Variants in OSBPL9 observed in about 807,000 individuals in gnomAD.
OSBPL9 encodes oxysterol-binding protein-related protein 9.
In OSBPL9, 40 loss-of-function variants were observed where a neutral mutation model predicts 106.6. The observed-to-expected ratio is 0.38, with a 90% CI of 0.29 to 0.49. OSBPL9 has a LOEUF of 0.49. Among genes scored for constraint, OSBPL9 ranks in the 20% least tolerant of loss-of-function variants. The pLI is 0.97. For missense variants in OSBPL9, 609 were observed against 887.2 expected (o/e 0.69, Z 3.98); for synonymous variants, 269 against 295.4 (o/e 0.91, Z 0.92).
intron 1 of OSBPL9, among the ~76,000 whole-genome samples, chr1:51,582,502 G>A (rs1422832747): frequency 3.3e-5 from 5 of 152,012 alleles, no homozygotes; most frequent in African/African-American, 1.2e-4. Context: ...TAATTTTTTT[G>A]TATTTTTAGT....
chr1:51,770,936 G>C (rs982752939), intron 12 of OSBPL9, among the ~76,000 whole-genome samples: 6 of 152,134 alleles, frequency 3.9e-5, no homozygotes, highest in Admixed American at 3.9e-4. Context: ...AACTCCAAGA[G>C]TGAACCCTAA....
At chr1:51,682,931 C>T (rs1027819047) in intron 3 of OSBPL9, among the ~76,000 whole-genome samples, 3 of 150,190 alleles carry the variant, frequency 2.0e-5, no homozygotes, top group African/African-American at 7.4e-5. Context: ...TGCTAGAGTG[C>T]AATGGCATGA....
chr1:51,728,349 T>C lies in OSBPL9; in HGVS notation c.318+14270T>C, dbSNP rs1663506536. On this transcript the variant is annotated intron_variant, in intron 4 of 23. Coordinates refer to ENST00000428468, the MANE Select transcript of OSBPL9 (RefSeq NM_024586.6). ...AGATTCAAGAAGACTTTAGTAAGAT[T>C]ATTCCAACAGGCCAGGACCTGTTAT... Among the ~76,000 whole-genome samples the C allele has an allele frequency of 2.6e-5, 4 of 152,148 alleles. No homozygotes were observed. In the South Asian group the frequency reaches 8.3e-4, roughly 32 times the overall value.
intron 3 of OSBPL9, among the ~76,000 whole-genome samples, chr1:51,678,319 G>A (rs948250459): frequency 2.0e-5 from 3 of 152,202 alleles, no homozygotes; most frequent in Admixed American, 1.3e-4. Flanking sequence ...CTTAGTAGAA[G>A]TTATCTATGG....
intron 1 of OSBPL9, among the ~76,000 whole-genome samples, chr1:51,633,967 T>C (rs1645268191): frequency 6.6e-6 from 1 of 152,182 alleles, no homozygotes; most frequent in Non-Finnish European, 1.5e-5. Flanking sequence ...ACATTTTTCC[T>C]GAGCCCCAAC....
chr1:51,786,908 T>C (rs1011216138), intron 22 of OSBPL9, among the ~76,000 whole-genome samples: 30 of 152,174 alleles, frequency 2.0e-4, no homozygotes, highest in African/African-American at 7.0e-4. Context: ...ACCCTTATTC[T>C]CTCCATTCAT....
the OSBPL9 span, among the ~76,000 whole-genome samples, chr1:51,523,612 C>A: frequency 6.6e-6 from 1 of 152,024 alleles, no homozygotes; most frequent in Non-Finnish European, 1.5e-5. Context: ...AGACATTAAT[C>A]ACCACCCAGG....
intron 2 of OSBPL9, among the ~76,000 whole-genome samples, chr1:51,665,243 C>G (rs1648161593): frequency 6.6e-6 from 1 of 152,200 alleles, no homozygotes; most frequent in Admixed American, 6.5e-5. Context: ...CTCCCGGCTT[C>G]AAGTGATTCT....
chr1:51,741,874 G>A (rs1666997759), intron 4 of OSBPL9, among the ~76,000 whole-genome samples: 1 of 152,128 alleles, frequency 6.6e-6, no homozygotes, highest in African/African-American at 2.4e-5. Context: ...TCACATCAGT[G>A]TAATAAACCA....
rs180838264 is a variant in OSBPL9, at chr1:51,584,477, G to A, written c.-423+7221G>A. 2.1e-3 allele frequency among the ~76,000 whole-genome samples: 215 copies of A among 100,918 alleles called. 1 individual carries two copies. The highest frequency in any genetic ancestry group is 0.014 in the African/African-American group (209 of 14,572). The allele number at this position is 100,918 out of a possible 152,430, so 66.2% of individuals were successfully genotyped here. A position where few individuals can be genotyped will look rare whatever the true frequency, so the allele number is the denominator to read the frequency against. On this transcript the variant is annotated intron_variant, in intron 1 of 25. Coordinates refer to the OSBPL9 transcript ENST00000371714. ...TAATCCCAACACTTTGGGAGGCCAAGCTGAGGCAGGTGGATCGCCTGAGGT... is the reference window on the plus strand; with the variant it reads ...TAATCCCAACACTTTGGGAGGCCAAACTGAGGCAGGTGGATCGCCTGAGGT...
chr1:51,582,440 G>A (rs1039974085), intron 1 of OSBPL9, among the ~76,000 whole-genome samples: 3 of 152,124 alleles, frequency 2.0e-5, no homozygotes, highest in Admixed American at 6.6e-5. Flanking sequence ...CAATTCTCCT[G>A]CCTCAGCCTC....
At chr1:51,771,950 A>C (rs574084488) in intron 12 of OSBPL9, 120 bp from the exon 13 acceptor site, 39 of 673,554 alleles carry the variant, frequency 5.8e-5, no homozygotes, top group Non-Finnish European at 9.5e-5. Context: ...AGACCTTGTC[A>C]TCAAGAGAAT....
intron 14 of OSBPL9, among the ~76,000 whole-genome samples, chr1:51,776,380 A>G (rs181867334): frequency 6.6e-6 from 1 of 152,336 alleles, no homozygotes; most frequent in African/African-American, 2.4e-5. Flanking sequence ...TGGGACAATT[A>G]ATAGTGGGAC....
intron 3 of OSBPL9, among the ~76,000 whole-genome samples, chr1:51,706,513 T>G (rs1228308713): frequency 6.6e-6 from 1 of 152,082 alleles, no homozygotes; most frequent in Non-Finnish European, 1.5e-5. Context: ...GTTGATCAAT[T>G]TCATTAGTTA....
intron 4 of OSBPL9, among the ~76,000 whole-genome samples, chr1:51,718,885 G>A (rs1661547832): frequency 6.6e-6 from 1 of 152,104 alleles, no homozygotes; most frequent in African/African-American, 2.4e-5. Context: ...ACATATTCTT[G>A]CTCTTTCCCA....
chr1:51,526,627 C>T, the OSBPL9 span, among the ~76,000 whole-genome samples: 728 of 151,996 alleles, frequency 4.8e-3, 5 homozygotes, highest in Middle Eastern at 0.01. Context: ...AAGAGATTCA[C>T]AATCAACACT....
At chr1:51,648,888 A>G (rs1410963403) in intron 1 of OSBPL9, among the ~76,000 whole-genome samples, 1 of 152,156 alleles carries the variant, frequency 6.6e-6, no homozygotes, top group Non-Finnish European at 1.5e-5. Flanking sequence ...TGCTATTGTT[A>G]TTATTAATGT....
the OSBPL9 span, among the ~76,000 whole-genome samples, chr1:51,537,849 C>A: frequency 2.0e-5 from 3 of 152,072 alleles, no homozygotes; most frequent in Non-Finnish European, 4.4e-5. Flanking sequence ...CTCTGGTCAA[C>A]CATTTTAAAT....
At chr1:51,619,873 A>G (rs1363851486) in intron 1 of OSBPL9, among the ~76,000 whole-genome samples, 1 of 152,210 alleles carries the variant, frequency 6.6e-6, no homozygotes, top group Non-Finnish European at 1.5e-5. Flanking sequence ...GAATATCTGA[A>G]TTAGTTGTGT....
Sources: allele counts gnomAD v4.1 joint callset (sites outside exome capture counted in the v4.1 genomes callset), GRCh38; gene constraint gnomAD v4.1.1; transcripts MANE v1.5; gene names NCBI Gene and HGNC (gene_info 2026-07-23, HGNC 2026-07-21).